Variants in TMEM74 observed in about 807,000 individuals in gnomAD.
The protein encoded by TMEM74 is transmembrane protein 74.
TMEM74 carries 13 observed loss-of-function variants against 18.1 expected under a neutral mutation model. The ratio of observed to expected loss-of-function variants is 0.72; its 90% CI spans 0.47 to 1.14. The LOEUF (loss-of-function observed/expected upper bound fraction) is 1.14. TMEM74 is among the 50% of genes most tolerant of loss of function. The pLI, the probability that TMEM74 is intolerant of heterozygous loss-of-function variation, is 0.00. For synonymous variants in TMEM74, 159 were observed against 146.6 expected (o/e 1.08, Z -0.61); for missense variants, 372 against 375.9 (o/e 0.99, Z 0.09).
rs868388416 is a variant in TMEM74 at position 108,680,248 on chromosome 8, A to G, written n.120-24811T>C. Reference sequence around the variant, plus strand: ...TTTTAGACCAATATCCTTGATGAACATTGATGCAAAAATCCTCAATAAAAT... The same window carrying G: ...TTTTAGACCAATATCCTTGATGAACGTTGATGCAAAAATCCTCAATAAAAT... On this transcript the variant is annotated intron_variant and non_coding_transcript_variant, in intron 1 of 3. Coordinates refer to the TMEM74 transcript ENST00000518838. Among the ~76,000 whole-genome samples the G allele has an allele frequency of 5.9e-5, 9 of 152,212 alleles. No individual in the cohort carries two copies. In the South Asian group the frequency reaches 1.9e-3, roughly 32 times the overall value.
At chr8:108,768,817 A>T (rs1371650241) in intron 1 of TMEM74, among the ~76,000 whole-genome samples, 1 of 152,122 alleles carries the variant, frequency 6.6e-6, no homozygotes, top group Admixed American at 6.6e-5. Flanking sequence ...AACTGCTGTC[A>T]CCTTTGCCAA....
At chr8:108,610,204 A>G (rs2130532485) in intron 2 of TMEM74, among the ~76,000 whole-genome samples, 1 of 152,344 alleles carries the variant, frequency 6.6e-6, no homozygotes, top group South Asian at 2.1e-4. Context: ...CAGGTAAAAG[A>G]GAAAACTTAC....
intron 1 of TMEM74, among the ~76,000 whole-genome samples, chr8:108,704,720 A>C (rs1223782988): frequency 6.6e-6 from 1 of 152,230 alleles, no homozygotes; most frequent in East Asian, 1.9e-4. Flanking sequence ...GCAGCATGGC[A>C]AAAGCCCTCC....
At chr8:108,657,887 T>TATTAATTAC (rs1554630322) in intron 1 of TMEM74, among the ~76,000 whole-genome samples, 2 of 113,464 alleles carry the variant, frequency 1.8e-5, no homozygotes, top group African/African-American at 7.1e-5. Context: ...TATATATATA[T>TATTAATTAC]ATATATATAT....
intron 2 of TMEM74, among the ~76,000 whole-genome samples, chr8:108,628,253 T>A (rs532121375): frequency 1.1e-4 from 17 of 152,082 alleles, no homozygotes; most frequent in South Asian, 2.1e-4. Flanking sequence ...TCAAACTAAT[T>A]TATCACCTTT....
intron 1 of TMEM74, among the ~76,000 whole-genome samples, chr8:108,728,412 G>T (rs1470537162): frequency 4.6e-5 from 7 of 152,134 alleles, no homozygotes; most frequent in Admixed American, 6.5e-5. Context: ...CTGGTAGGAA[G>T]GTAGAGTTTA....
intron 2 of TMEM74, among the ~76,000 whole-genome samples, chr8:108,634,366 A>G (rs942958272): frequency 6.6e-6 from 1 of 151,940 alleles, no homozygotes; most frequent in Non-Finnish European, 1.5e-5. Context: ...AACATTATTT[A>G]GCTTATATGT....
chr8:108,732,672 CA>C (rs34940541), intron 1 of TMEM74, among the ~76,000 whole-genome samples: 4,267 of 150,932 alleles, frequency 0.028, 130 homozygotes, highest in African/African-American at 0.077. Flanking sequence ...ACTGGATATC[CA>C]AAAAAAGGGC....
At chr8:108,647,457 A>C (rs1313699698) in intron 2 of TMEM74, among the ~76,000 whole-genome samples, 1 of 152,160 alleles carries the variant, frequency 6.6e-6, no homozygotes, top group Non-Finnish European at 1.5e-5. Context: ...TCTATGACTA[A>C]TGTTTAGTAC....
Position 108,786,769 on chromosome 8 carries a change from C to A in TMEM74, c.-40+707G>T, listed in dbSNP as rs149543939. 3.6e-3 allele frequency among the ~76,000 whole-genome samples: 542 copies of A among 152,236 alleles called. 3 individuals are homozygous for A. The highest frequency in any genetic ancestry group is 0.012 in the African/African-American group (518 of 41,524). ...CTCAGGCATTAGGGGCTCTGATTAA[C>A]CTTTGGTACCATTAACTCATCACAC... On this transcript the variant is annotated intron_variant, in intron 1 of 1. Transcript: ENST00000297459.
In TMEM74 at chr8:108,753,337, C is replaced by T. The variant is rs142708950; in HGVS notation, n.119+34139G>A. ...AAATTTGATGCCAGCCTGATATTTC[C>T]CCCAGTAGGTATTTTTCTTATTATG... is the stretch of plus-strand genomic sequence containing the variant. On this transcript the variant is annotated intron_variant and non_coding_transcript_variant, in intron 1 of 3. Transcript: ENST00000518838. 2.6e-5 allele frequency among the ~76,000 whole-genome samples: 4 copies of T among 151,896 alleles called. No individual in the cohort carries two copies. In the East Asian group the frequency reaches 5.8e-4, roughly 22 times the overall value.
intron 1 of TMEM74, among the ~76,000 whole-genome samples, chr8:108,697,124 G>A (rs2130612056): frequency 6.6e-6 from 1 of 152,226 alleles, no homozygotes; most frequent in Non-Finnish European, 1.5e-5. Context: ...AGGAGACCAG[G>A]CCACGGTGAT....
At chr8:108,737,128 C>A (rs867439722) in intron 1 of TMEM74, among the ~76,000 whole-genome samples, 9 of 152,074 alleles carry the variant, frequency 5.9e-5, no homozygotes, top group Admixed American at 2.0e-4. Context: ...AATATACTGA[C>A]CTGAATGTCA....
chr8:108,675,055 G>A (rs898037763), intron 1 of TMEM74, among the ~76,000 whole-genome samples: 17 of 152,094 alleles, frequency 1.1e-4, no homozygotes, highest in African/African-American at 3.6e-4. Flanking sequence ...GGAAGTTGGT[G>A]TATATATACC....
At chr8:108,755,045 A>G (rs1813943438) in intron 1 of TMEM74, among the ~76,000 whole-genome samples, 1 of 152,060 alleles carries the variant, frequency 6.6e-6, no homozygotes, top group South Asian at 2.1e-4. Flanking sequence ...TCATGGACAC[A>G]CCCAGAAATA....
chr8:108,693,329 A>G (rs571768304), intron 1 of TMEM74, among the ~76,000 whole-genome samples: 1 of 152,342 alleles, frequency 6.6e-6, no homozygotes, highest in Non-Finnish European at 1.5e-5. Flanking sequence ...AGTTACATTT[A>G]CTTTAAAAAG....
chr8:108,719,924 C>T (rs1813569503), intron 1 of TMEM74, among the ~76,000 whole-genome samples: 1 of 152,100 alleles, frequency 6.6e-6, no homozygotes, highest in African/African-American at 2.4e-5. Context: ...TAATCTTCCA[C>T]TGAAAAGGCT....
chr8:108,686,033 T>G (rs928348191), intron 1 of TMEM74, among the ~76,000 whole-genome samples: 13 of 152,074 alleles, frequency 8.5e-5, no homozygotes, highest in Non-Finnish European at 4.4e-5. Flanking sequence ...CTTAAATAAA[T>G]GTATAAATTA....
At chr8:108,658,883 TA>T (rs1563742628) in intron 1 of TMEM74, among the ~76,000 whole-genome samples, 2 of 151,800 alleles carry the variant, frequency 1.3e-5, no homozygotes, top group Non-Finnish European at 2.9e-5. Context: ...GGAGAGGAAA[TA>T]AAAATAATAG....
Sources: allele counts gnomAD v4.1 joint callset (sites outside exome capture counted in the v4.1 genomes callset), GRCh38; gene constraint gnomAD v4.1.1; transcripts MANE v1.5; gene names NCBI Gene and HGNC (gene_info 2026-07-23, HGNC 2026-07-21).